Variants in OLFM3 observed in about 807,000 individuals in gnomAD.
The protein encoded by OLFM3 is noelin-3.
A neutral mutation model predicts 48.6 loss-of-function variants in OLFM3; 20 were observed. The ratio of observed to expected loss-of-function variants is 0.41; its 90% CI spans 0.29 to 0.60. OLFM3 has a LOEUF of 0.60. Among genes scored for constraint, OLFM3 ranks in the 20% least tolerant of loss-of-function variants. The probability of loss-of-function intolerance (pLI) is 0.28; values close to 1 mark genes in which losing one functional copy is unlikely to be tolerated. For synonymous variants in OLFM3, 222 were observed against 198.1 expected (o/e 1.12, Z -1.01); for missense variants, 437 against 544.3 (o/e 0.80, Z 1.96).
At chr1:101,954,196 A>G (rs912939080) in intron 1 of OLFM3, among the ~76,000 whole-genome samples, 1 of 152,138 alleles carries the variant, frequency 6.6e-6, no homozygotes, top group African/African-American at 2.4e-5. Flanking sequence ...AGAACTGACC[A>G]AATTGCCCAA....
chr1:101,826,913 A>G (rs1030726703), intron 3 of OLFM3, among the ~76,000 whole-genome samples: 11 of 152,364 alleles, frequency 7.2e-5, no homozygotes, highest in African/African-American at 2.4e-4. Context: ...GAGCAATTCA[A>G]TGTCAAAATG....
At chr1:101,819,406 T>C (rs968955805) in intron 4 of OLFM3, among the ~76,000 whole-genome samples, 17 of 152,010 alleles carry the variant, frequency 1.1e-4, no homozygotes, top group Non-Finnish European at 2.1e-4. Flanking sequence ...ACAAGATTTG[T>C]ATTGGGGAAA....
intron 1 of OLFM3, among the ~76,000 whole-genome samples, chr1:101,875,587 CATAAG>C (rs1235960314): frequency 6.6e-6 from 1 of 151,816 alleles, no homozygotes. Context: ...TATTCTAGGA[CATAAG>C]ATGAGTTAAA....
chr1:101,814,083 G>A (rs1654211244), intron 4 of OLFM3, among the ~76,000 whole-genome samples: 1 of 152,068 alleles, frequency 6.6e-6, no homozygotes, highest in African/African-American at 2.4e-5. Flanking sequence ...CTCCACATTT[G>A]ATGACCATGT....
chr1:101,804,394 A>G lies in OLFM3; in HGVS notation c.1221T>C (p.Tyr407=). The change falls in exon 6 of 6, where the codon TAT becomes TAC. Residue 407 remains tyrosine (Y), a synonymous_variant. Coordinates refer to ENST00000370103, the MANE Select transcript of OLFM3 (RefSeq NM_058170.4). This position sits in a 1 kb window ranked among gnomAD's most constrained non-coding sequence, Gnocchi z 4.5. ...TATGGAAGGGAATGTCTGTGTACTC[A>G]TATGTGGAGGTTTTGGTGGAATAGG... ...YYSYSTKTST[Y]EYTDIPFHNQ... 2 of 1,612,566 alleles carry G rather than the reference A, an allele frequency of 1.2e-6. No homozygotes were observed. Among genetic ancestry groups the G allele is most frequent in the Non-Finnish European group, 1.7e-6 (2 of 1,178,992 alleles).
intron 1 of OLFM3, among the ~76,000 whole-genome samples, chr1:101,850,685 A>T (rs1296049470): frequency 6.6e-6 from 1 of 152,164 alleles, no homozygotes; most frequent in African/African-American, 2.4e-5. Flanking sequence ...GAAAATAAAC[A>T]GTTAATGAGG....
At position 101,996,839 on chromosome 1, in the gene OLFM3, C is replaced by T. The variant is rs770362980; in HGVS notation, c.-23G>A. ...CATTCTGATCTGGGTTTTTGCCCCT[C>T]TTTACTCTCTTTTATGTAGGCTCTC... On this transcript the variant is annotated 5_prime_UTR_variant, in exon 1 of 6. Coordinates refer to ENST00000370103, the MANE Select transcript of OLFM3 (RefSeq NM_058170.4). The T allele has an allele frequency of 6.2e-6, 10 of 1,613,322 alleles. No homozygotes were observed. In the East Asian group the frequency reaches 1.3e-4, roughly 22 times the overall value.
At chr1:101,829,773 G>C (rs1570532574) in intron 3 of OLFM3, among the ~76,000 whole-genome samples, 1 of 152,222 alleles carries the variant, frequency 6.6e-6, no homozygotes, top group African/African-American at 2.4e-5. Flanking sequence ...GCTATGCCTA[G>C]GTAAGGCAAG....
At chr1:101,888,148 A>C (rs1432058141) in intron 1 of OLFM3, among the ~76,000 whole-genome samples, 1 of 152,148 alleles carries the variant, frequency 6.6e-6, no homozygotes, top group Non-Finnish European at 1.5e-5. Context: ...GGAAAAAACT[A>C]CTTTAAAGTT....
At chr1:101,818,826 T>C (rs1453528076) in intron 4 of OLFM3, among the ~76,000 whole-genome samples, 1 of 152,176 alleles carries the variant, frequency 6.6e-6, no homozygotes, top group East Asian at 1.9e-4. Flanking sequence ...CACACATTGA[T>C]TTATTTCTTG....
At chr1:101,836,771 G>T (rs1333684990) in intron 2 of OLFM3, 108 bp downstream of exon 2, 1 of 1,158,370 alleles carries the variant, frequency 8.6e-7, no homozygotes, top group African/African-American at 1.5e-5. Context: ...TGAGAAGGGG[G>T]ACAAAAATCA....
chr1:101,944,286 A>T (rs1659888123), intron 1 of OLFM3, among the ~76,000 whole-genome samples: 1 of 152,112 alleles, frequency 6.6e-6, no homozygotes, highest in Admixed American at 6.5e-5. Flanking sequence ...AACATACACT[A>T]AAATTTACAC....
At chr1:101,956,436 AC>A (rs1335153876) in intron 1 of OLFM3, among the ~76,000 whole-genome samples, 2 of 151,536 alleles carry the variant, frequency 1.3e-5, no homozygotes, top group Non-Finnish European at 3.0e-5. Context: ...AAAAATCCAT[AC>A]CTTTTTCAAT....
intron 1 of OLFM3, among the ~76,000 whole-genome samples, chr1:101,842,249 T>C (rs1655758453): frequency 6.6e-6 from 1 of 152,058 alleles, no homozygotes; most frequent in South Asian, 2.1e-4. Flanking sequence ...TTATCAAATT[T>C]AGGTTAGGGT....
At chr1:101,978,451 CTCAT>C (rs1342475285) in intron 1 of OLFM3, among the ~76,000 whole-genome samples, 1 of 151,956 alleles carries the variant, frequency 6.6e-6, no homozygotes. Context: ...TGAAAGTCTT[CTCAT>C]TCAGTTTTTC....
At chr1:101,927,873 T>A (rs550603063) in intron 1 of OLFM3, among the ~76,000 whole-genome samples, 1 of 151,798 alleles carries the variant, frequency 6.6e-6, no homozygotes, top group Non-Finnish European at 1.5e-5. Context: ...GTACAGGAAG[T>A]TTTCTTTCTA....
intron 1 of OLFM3, among the ~76,000 whole-genome samples, chr1:101,966,785 T>A (rs1227861229): frequency 6.6e-6 from 1 of 152,184 alleles, no homozygotes; most frequent in African/African-American, 2.4e-5. Context: ...TACACTGATA[T>A]GGTCTTTCTG....
At chr1:101,818,417 T>A (rs1359070781) in intron 4 of OLFM3, among the ~76,000 whole-genome samples, 1 of 152,130 alleles carries the variant, frequency 6.6e-6, no homozygotes, top group Non-Finnish European at 1.5e-5. Flanking sequence ...ATAAAATGCA[T>A]AGCAATGGAG....
chr1:101,911,335 C>T (rs578211608), intron 1 of OLFM3, among the ~76,000 whole-genome samples: 1 of 152,022 alleles, frequency 6.6e-6, no homozygotes, highest in East Asian at 1.9e-4. Context: ...GAGTCAATAC[C>T]AGAAAAGCAA....
Sources: gnomAD v4.1 joint callset for allele counts (sites outside exome capture counted in the v4.1 genomes callset) on GRCh38, gnomAD v4.1.1 for gene constraint, Gnocchi (gnomAD v3.1) non-coding constraint, MANE v1.5 for transcripts, NCBI Gene and HGNC (gene_info 2026-07-23, HGNC 2026-07-21) for gene names.